Variants in POC1A observed in about 807,000 individuals in gnomAD.
POC1A encodes the protein POC1 centriolar protein A, also known as POC1 centriolar protein homolog A.
In POC1A, 34 loss-of-function variants were observed where a neutral mutation model predicts 47.8. The ratio of observed to expected loss-of-function variants is 0.71; its 90% confidence interval spans 0.54 to 0.95. The LOEUF (loss-of-function observed/expected upper bound fraction) is 0.95, where lower values mean the gene tolerates loss of function less well. Among genes scored for constraint, POC1A ranks in the 40% least tolerant of loss-of-function variants. POC1A has a pLI of 0.00. For synonymous variants in POC1A, 177 were observed against 207.6 expected, an observed-to-expected ratio of 0.85 and a Z score of 1.27; for missense variants, 466 against 528.3, an observed-to-expected ratio of 0.88 and a Z score of 1.16.
chr3:52,106,333 T>C (rs977937810), intron 9 of POC1A, among the ~76,000 whole-genome samples: 14 of 152,200 alleles, frequency 9.2e-5, no homozygotes, highest in African/African-American at 3.1e-4. Context: ...CCCCTGCCTA[T>C]GGGAAACCAA....
At chr3:52,148,080 C>T (rs907726540) in intron 4 of POC1A, among the ~76,000 whole-genome samples, 6 of 152,380 alleles carry the variant, frequency 3.9e-5, no homozygotes, top group East Asian at 1.9e-4. Flanking sequence ...GACTGCCTGC[C>T]GGCAACATTT....
chr3:52,130,742 A>G lies in POC1A; in HGVS notation c.814-5561T>C, dbSNP rs78220933. ...CAAGGGAGGGGTGGCCCACTCCCAG[A>G]GCTGCCCTCCACCTGGGGTGGACAG... On this transcript the variant is annotated intron_variant, in intron 7 of 10. Coordinates refer to ENST00000296484, the MANE Select transcript of POC1A (RefSeq NM_015426.5). 3.9e-3 allele frequency among the ~76,000 whole-genome samples: 600 copies of G among 152,230 alleles called. 3 individuals are homozygous for G. Among genetic ancestry groups the G allele is most frequent in the African/African-American group, 0.014 (565 of 41,542 alleles).
intron 7 of POC1A, 26 bp from the exon 8 acceptor site, chr3:52,125,207 C>A: frequency 6.4e-7 from 1 of 1,573,410 alleles, no homozygotes; most frequent in Non-Finnish European, 8.7e-7. Context: ...AAAAATAACA[C>A]ACATCAAAGG....
At chr3:52,108,499 T>C (rs1703265684) in intron 9 of POC1A, among the ~76,000 whole-genome samples, 1 of 152,190 alleles carries the variant, frequency 6.6e-6, no homozygotes, top group Non-Finnish European at 1.5e-5. Flanking sequence ...GAACAAAGGC[T>C]GGCTATTTTA....
intron 7 of POC1A, among the ~76,000 whole-genome samples, chr3:52,133,299 T>C (rs1296310113): frequency 2.0e-5 from 3 of 152,160 alleles, no homozygotes; most frequent in Non-Finnish European, 4.4e-5. Flanking sequence ...TCCCCAACGC[T>C]AGTACCTTGA....
intron 9 of POC1A, among the ~76,000 whole-genome samples, chr3:52,104,875 G>A (rs1703121388): frequency 6.6e-6 from 1 of 152,214 alleles, no homozygotes; most frequent in African/African-American, 2.4e-5. Context: ...CAGCTTGGCA[G>A]TCAGGAGCAA....
Position 52,149,285 on chromosome 3 carries a change from A to C in POC1A, c.380T>G (p.Val127Gly). Residue 127 changes from valine to glycine, a missense_variant, in exon 4 of 11, where the codon GTC becomes GGC. Coordinates refer to ENST00000296484, the MANE Select transcript of POC1A (RefSeq NM_015426.5). ...CTGGCGATGAGTTGCCCACACTTTG[A>C]CTGTCTTGTCGTCAGAGGCTGTCAC... ...SFVTASDDKT[V>G]KVWATHRQKF... is the part of the protein sequence containing the mutation. 6.2e-7 allele frequency: 1 copy of C among 1,614,128 alleles called. No homozygotes were observed. The highest frequency in any genetic ancestry group is 1.1e-5 in the South Asian group (1 of 91,086).
At chr3:52,111,728 C>T (rs574633454) in intron 9 of POC1A, among the ~76,000 whole-genome samples, 22 of 149,952 alleles carry the variant, frequency 1.5e-4, no homozygotes, top group Middle Eastern at 3.5e-3. Context: ...AAGCCATATA[C>T]ACCCAAGCCA....
intron 10 of POC1A, among the ~76,000 whole-genome samples, chr3:52,076,626 C>A (rs1361974692): frequency 3.9e-5 from 6 of 152,248 alleles, no homozygotes; most frequent in Non-Finnish European, 8.8e-5. Flanking sequence ...ATGACAACTT[C>A]ATCTCTCTGA....
At chr3:52,123,282 G>T (rs977271964) in intron 8 of POC1A, among the ~76,000 whole-genome samples, 1 of 152,254 alleles carries the variant, frequency 6.6e-6, no homozygotes, top group African/African-American at 2.4e-5. Flanking sequence ...GCTGAGGGAG[G>T]CACCTGGCTG....
intron 9 of POC1A, among the ~76,000 whole-genome samples, chr3:52,116,034 A>C (rs758958599): frequency 1.3e-5 from 2 of 152,196 alleles, no homozygotes; most frequent in African/African-American, 2.4e-5. Flanking sequence ...TAATTTTAAA[A>C]AATCTATGAG....
chr3:52,089,522 C>T, intron 10 of POC1A, among the ~76,000 whole-genome samples: 1 of 152,156 alleles, frequency 6.6e-6, no homozygotes, highest in South Asian at 2.1e-4. Flanking sequence ...AGGAGGGTGG[C>T]TACATCCACT....
At chr3:52,115,270 T>G (rs1703522973) in intron 9 of POC1A, among the ~76,000 whole-genome samples, 1 of 152,082 alleles carries the variant, frequency 6.6e-6, no homozygotes, top group Non-Finnish European at 1.5e-5. Context: ...CGTGAGTCAC[T>G]GCATCCTACC....
At chr3:52,126,874 T>A (rs1704024115) in intron 7 of POC1A, among the ~76,000 whole-genome samples, 1 of 152,086 alleles carries the variant, frequency 6.6e-6, no homozygotes, top group Non-Finnish European at 1.5e-5. Context: ...GACCCAAACA[T>A]CTCCCATTAT....
At chr3:52,139,462 T>C (rs534068195) in intron 6 of POC1A, among the ~76,000 whole-genome samples, 21 of 152,240 alleles carry the variant, frequency 1.4e-4, no homozygotes, top group African/African-American at 4.6e-4. Flanking sequence ...CGTAGAACTT[T>C]TTTACCCCTT....
At chr3:52,078,915 T>G (rs1293011967) in intron 10 of POC1A, among the ~76,000 whole-genome samples, 2 of 152,194 alleles carry the variant, frequency 1.3e-5, no homozygotes. Flanking sequence ...GGAGACACAC[T>G]CAGGGCTGGT....
At chr3:52,082,955 C>T (rs936897451) in intron 10 of POC1A, among the ~76,000 whole-genome samples, 2 of 152,182 alleles carry the variant, frequency 1.3e-5, no homozygotes, top group African/African-American at 2.4e-5. Flanking sequence ...ATGGTCCCCA[C>T]AGGGCTCCGA....
At chr3:52,125,019 A>G in intron 8 of POC1A, 94 bp downstream of exon 8, 1 of 996,680 alleles carries the variant, frequency 1.0e-6, no homozygotes, top group South Asian at 1.5e-5. Context: ...AGCTGGCGAA[A>G]CCCAGCCCAT....
intron 9 of POC1A, among the ~76,000 whole-genome samples, chr3:52,117,653 G>A (rs1304866506): frequency 1.3e-5 from 2 of 152,116 alleles, no homozygotes; most frequent in Admixed American, 6.5e-5. Context: ...AGGTTAATGT[G>A]TGAACCGGAC....
Sources: gnomAD v4.1 joint callset for allele counts (sites outside exome capture counted in the v4.1 genomes callset) on GRCh38, gnomAD v4.1.1 for gene constraint, MANE v1.5 for transcripts, NCBI Gene and HGNC (gene_info 2026-07-23, HGNC 2026-07-21) for gene names.